The following TRDN variants were observed in gnomAD, a reference collection of about 807,000 sequenced individuals.
The protein encoded by TRDN is triadin, also known as triadin in skeletal muscle.
In TRDN, 161 loss-of-function variants were observed where a neutral mutation model predicts 149.7. The ratio of observed to expected loss-of-function variants is 1.08; its 90% CI spans 0.95 to 1.23. The LOEUF is 1.23. TRDN is among the 50% of genes most tolerant of loss of function. TRDN has a pLI of 0.00. For synonymous variants in TRDN, 294 were observed against 250.5 expected, an observed-to-expected ratio of 1.17 and a Z score of -1.64; for missense variants, 896 against 823.5, an observed-to-expected ratio of 1.09 and a Z score of -1.08.
intron 8 of TRDN, chr6:123,502,173 T>A: frequency 5.1e-6 from 5 of 984,346 alleles, no homozygotes; most frequent in Non-Finnish European, 6.0e-6. Flanking sequence ...GATTTCAGGA[T>A]CTAAGTAATC....
intron 40 of TRDN, among the ~76,000 whole-genome samples, chr6:123,220,495 T>C (rs1775107602): frequency 1.3e-5 from 2 of 151,980 alleles, no homozygotes; most frequent in South Asian, 4.1e-4. Flanking sequence ...CTTATGGATT[T>C]TGTAATATTA....
At chr6:123,390,637 AG>A (rs1168294378) in intron 13 of TRDN, among the ~76,000 whole-genome samples, 8 of 152,062 alleles carry the variant, frequency 5.3e-5, no homozygotes. Context: ...AATCAAAGCC[AG>A]GGTCTCGGGA....
intron 9 of TRDN, among the ~76,000 whole-genome samples, chr6:123,485,114 A>T (rs1777918610): frequency 6.6e-6 from 1 of 152,152 alleles, no homozygotes; most frequent in Admixed American, 6.5e-5. Context: ...AGCAACTCTC[A>T]TGAGGGTATG....
chr6:123,270,644 G>A lies in TRDN; in HGVS notation c.1720+495C>T, dbSNP rs1026879690. ...TTTCTCATATGAACTAATGATAGATGGAGTGTTTTTACTTTAATATTTTAT... is the reference window on the plus strand; with the variant it reads ...TTTCTCATATGAACTAATGATAGATAGAGTGTTTTTACTTTAATATTTTAT... On this transcript the variant is annotated intron_variant, in intron 30 of 40. Transcript: ENST00000334268. Among the ~76,000 whole-genome samples, 14 of 151,850 alleles carry A rather than the reference G, an allele frequency of 9.2e-5. 1 individual carries two copies. Among genetic ancestry groups the A allele is most frequent in the Non-Finnish European group, 1.6e-4 (11 of 67,916 alleles).
At chr6:123,311,485 G>A (rs924230666) in intron 24 of TRDN, among the ~76,000 whole-genome samples, 2 of 151,844 alleles carry the variant, frequency 1.3e-5, no homozygotes, top group Admixed American at 1.3e-4. Flanking sequence ...GCCAGTAAAC[G>A]GTTGACTTTT....
chr6:123,433,182 T>TATATATATATAC (rs1562310492), intron 12 of TRDN, among the ~76,000 whole-genome samples: 34 of 143,354 alleles, frequency 2.4e-4, no homozygotes, highest in African/African-American at 7.1e-4. Flanking sequence ...TATATATATA[T>TATATATATATAC]ACATCACACA....
intron 12 of TRDN, among the ~76,000 whole-genome samples, chr6:123,434,375 C>T (rs1234844681): frequency 1.3e-5 from 2 of 152,108 alleles, no homozygotes; most frequent in African/African-American, 4.8e-5. Context: ...TTTGGCAGAG[C>T]AGATGAATGA....
At chr6:123,337,830 T>G (rs539362840) in intron 21 of TRDN, among the ~76,000 whole-genome samples, 161 bp from the exon 22 acceptor site, 2 of 152,246 alleles carry the variant, frequency 1.3e-5, no homozygotes, top group African/African-American at 4.8e-5. Flanking sequence ...TATAAGACAT[T>G]GGACTAAATA....
chr6:123,584,612 G>T (rs918653081), intron 1 of TRDN, among the ~76,000 whole-genome samples: 8 of 152,100 alleles, frequency 5.3e-5, no homozygotes, highest in African/African-American at 1.9e-4. Flanking sequence ...TAACAGATGA[G>T]GATGAAATTT....
At chr6:123,542,788 G>A (rs1780903057) in intron 4 of TRDN, among the ~76,000 whole-genome samples, 1 of 151,730 alleles carries the variant, frequency 6.6e-6, no homozygotes, top group African/African-American at 2.4e-5. Context: ...TTTGCTTTAA[G>A]ACTTTTGGGT....
At chr6:123,450,661 A>G (rs1775713196) in intron 10 of TRDN, among the ~76,000 whole-genome samples, 1 of 152,158 alleles carries the variant, frequency 6.6e-6, no homozygotes. Context: ...GGGGGACTTT[A>G]ATACTCCACT....
chr6:123,269,866 G>C lies in TRDN; in HGVS notation c.1721C>G (p.Ala574Gly). Residue 574 changes from alanine to glycine, a missense_variant and splice_region_variant, in exon 31 of 41, where the codon GCC becomes GGC. Physicochemically the swap from Ala to Gly is moderately conservative, Grantham distance 60. Transcript: ENST00000334268. ...TCTCTTACTTGTTGGTTTGGGCTTG[G>C]CTGTGGAGAATGGAGGCAAGCACAT... ...QVKAVTIEKT[A>G]KPKPTKKAEH... is the part of the protein sequence containing the mutation. The C allele has an allele frequency of 1.2e-6, 2 of 1,610,344 alleles. No homozygotes were observed. Among genetic ancestry groups the C allele is most frequent in the Non-Finnish European group, 1.7e-6 (2 of 1,177,950 alleles).
chr6:123,589,933 A>G (rs956244822), intron 1 of TRDN, among the ~76,000 whole-genome samples: 1 of 152,208 alleles, frequency 6.6e-6, no homozygotes, highest in Non-Finnish European at 1.5e-5. Context: ...AATGTGATGA[A>G]GCAACCTGTT....
rs929334828 is a variant in TRDN, at chr6:123,569,287, A to C, written c.232+1636T>G. 8.5e-5 allele frequency among the ~76,000 whole-genome samples: 13 copies of C among 152,222 alleles called. 1 individual carries two copies. The highest frequency in any genetic ancestry group is 3.1e-4 in the African/African-American group (13 of 41,544). On this transcript the variant is annotated intron_variant, in intron 2 of 40. Coordinates refer to ENST00000334268, the MANE Select transcript of TRDN (RefSeq NM_006073.4). ...CTGAGACCTCATCAGCTTGGACTTC[A>C]CTGTTCATATCAGTATCAGCATTTT...
intron 23 of TRDN, among the ~76,000 whole-genome samples, chr6:123,316,779 GGACTTAT>G (rs1779040546): frequency 6.6e-6 from 1 of 151,570 alleles, no homozygotes; most frequent in African/African-American, 2.4e-5. Flanking sequence ...ATAAAAGCCA[GGACTTAT>G]AATTTATGCA....
At chr6:123,455,681 T>TA (rs1194108435) in intron 10 of TRDN, among the ~76,000 whole-genome samples, 3 of 152,168 alleles carry the variant, frequency 2.0e-5, no homozygotes, top group Non-Finnish European at 4.4e-5. Flanking sequence ...TGGAAATTCC[T>TA]AAAAAACTCT....
chr6:123,349,103 G>A (rs1780359098), intron 21 of TRDN, among the ~76,000 whole-genome samples: 1 of 152,010 alleles, frequency 6.6e-6, no homozygotes, highest in Non-Finnish European at 1.5e-5. Flanking sequence ...AGTGTTAGTG[G>A]AAAGAAAGAG....
intron 23 of TRDN, among the ~76,000 whole-genome samples, chr6:123,317,935 T>C (rs556296270): frequency 2.0e-5 from 3 of 152,156 alleles, no homozygotes; most frequent in African/African-American, 7.2e-5. Flanking sequence ...CAATGTCACA[T>C]AGCTGTTGCA....
At chr6:123,614,527 A>G (rs1007282642) in intron 1 of TRDN, among the ~76,000 whole-genome samples, 2 of 151,596 alleles carry the variant, frequency 1.3e-5, no homozygotes, top group African/African-American at 4.8e-5. Flanking sequence ...AGATATTTAT[A>G]TCAATATTAT....
Sources: gnomAD v4.1 joint callset for allele counts (sites outside exome capture counted in the v4.1 genomes callset) on GRCh38, gnomAD v4.1.1 for gene constraint, MANE v1.5 for transcripts, NCBI Gene and HGNC (gene_info 2026-07-23, HGNC 2026-07-21) for gene names.